Variants in LRRC4C observed in about 807,000 individuals in gnomAD.
LRRC4C encodes the protein leucine rich repeat containing 4C.
A neutral mutation model predicts 33.6 loss-of-function variants in LRRC4C; 5 were observed. That is an observed-to-expected ratio of 0.15 (90% CI 0.08 to 0.31). The LOEUF (loss-of-function observed/expected upper bound fraction) is 0.31, where lower values mean the gene tolerates loss of function less well. Ranked by LOEUF, LRRC4C falls within the 10% of genes least tolerant of loss-of-function variation. The pLI is 1.00. For synonymous variants in LRRC4C, 329 were observed against 302.0 expected (o/e 1.09, Z -0.93); for missense variants, 560 against 796.7 (o/e 0.70, Z 3.58).
chr11:40,318,306 G>A (rs1017000591), intron 4 of LRRC4C, among the ~76,000 whole-genome samples: 1 of 151,882 alleles, frequency 6.6e-6, no homozygotes, highest in Non-Finnish European at 1.5e-5. Context: ...TACTGCTCCA[G>A]TCTAGTCAAA....
At chr11:41,265,629 G>C (rs1423820016) in intron 1 of LRRC4C, among the ~76,000 whole-genome samples, 2 of 152,230 alleles carry the variant, frequency 1.3e-5, no homozygotes, top group Non-Finnish European at 2.9e-5. Flanking sequence ...GAAAAACCTA[G>C]TTGCCAGAGA....
rs867150244 is a variant in LRRC4C at position 41,070,952 on chromosome 11, C to G, written c.-495-137229G>C. 2.6e-5 allele frequency among the ~76,000 whole-genome samples: 4 copies of G among 152,088 alleles called. No individual in the cohort carries two copies. In the South Asian group the frequency reaches 8.3e-4, roughly 32 times the overall value. ...ATTATATTATAAAGATACATGCACA[C>G]GTATGCTTATTACAGCACTATTTAC... On this transcript the variant is annotated intron_variant, in intron 1 of 6. Transcript: ENST00000528697.
At chr11:41,185,142 C>T (rs183338904) in intron 1 of LRRC4C, among the ~76,000 whole-genome samples, 36 of 152,032 alleles carry the variant, frequency 2.4e-4, no homozygotes, top group African/African-American at 8.4e-4. Context: ...ACAGCCAAAC[C>T]ATATCAATTA....
chr11:41,436,827 A>T (rs1955444911), intron 1 of LRRC4C, among the ~76,000 whole-genome samples: 1 of 152,196 alleles, frequency 6.6e-6, no homozygotes, highest in South Asian at 2.1e-4. Flanking sequence ...AAGAGTCCCT[A>T]AAACTAGTAC....
At chr11:41,231,509 C>A (rs946349172) in intron 1 of LRRC4C, among the ~76,000 whole-genome samples, 2 of 149,412 alleles carry the variant, frequency 1.3e-5, no homozygotes, top group Non-Finnish European at 3.0e-5. Context: ...AGCAAACTAT[C>A]GCAAGGACAA....
At chr11:41,409,809 G>A (rs1002948861) in intron 1 of LRRC4C, among the ~76,000 whole-genome samples, 12 of 152,166 alleles carry the variant, frequency 7.9e-5, no homozygotes, top group East Asian at 3.9e-4. Flanking sequence ...TGACTGACCC[G>A]TTTATAATCC....
At chr11:40,525,175 C>T (rs1394108883) in intron 3 of LRRC4C, among the ~76,000 whole-genome samples, 2 of 151,962 alleles carry the variant, frequency 1.3e-5, no homozygotes, top group Non-Finnish European at 2.9e-5. Context: ...GGCCGGGCGC[C>T]GTGGCTCACA....
chr11:40,953,414 C>T (rs1958806426), intron 1 of LRRC4C, among the ~76,000 whole-genome samples: 1 of 151,746 alleles, frequency 6.6e-6, no homozygotes, highest in Non-Finnish European at 1.5e-5. Flanking sequence ...GAAAAGTCTC[C>T]CTGACCCTTC....
intron 1 of LRRC4C, among the ~76,000 whole-genome samples, chr11:41,053,891 T>C (rs1189277092): frequency 6.6e-6 from 1 of 152,352 alleles, no homozygotes; most frequent in East Asian, 1.9e-4. Flanking sequence ...GATTTTAGCA[T>C]GATAATTTTC....
At chr11:40,763,718 C>T (rs887632524) in intron 2 of LRRC4C, among the ~76,000 whole-genome samples, 1 of 152,060 alleles carries the variant, frequency 6.6e-6, no homozygotes. Flanking sequence ...CAGTGAAAAG[C>T]AAAATAGGAT....
At chr11:40,682,399 G>A (rs994773366) in intron 2 of LRRC4C, among the ~76,000 whole-genome samples, 1 of 152,120 alleles carries the variant, frequency 6.6e-6, no homozygotes, top group African/African-American at 2.4e-5. Flanking sequence ...AATTTGTCAA[G>A]TGTGGTTCTT....
Position 40,115,258 on chromosome 11 carries a change from G to A in LRRC4C, c.1035C>T (p.Asp345=). The change falls in exon 7 of 7, where the codon GAC becomes GAT. Residue 345 remains aspartate (D), a synonymous_variant. Coordinates refer to ENST00000528697, the MANE Select transcript of LRRC4C (RefSeq NM_001258419.2). The surrounding 1 kb of genome is among the most constrained non-coding windows in gnomAD (Gnocchi z 6.7). ...GAGCATAGCATGTGAAGTAATTCTGGTCGAGCTCTCCAATGTACCTCCCCT... is the reference window on the plus strand; with the variant it reads ...GAGCATAGCATGTGAAGTAATTCTGATCGAGCTCTCCAATGTACCTCCCCT... The part of the protein sequence containing the change: ...NLKGRYIGEL[D]QNYFTCYAPV... The A allele has an allele frequency of 2.5e-6, 4 of 1,614,106 alleles. No homozygotes were observed. The highest frequency in any genetic ancestry group is 2.5e-6 in the Non-Finnish European group (3 of 1,180,036).
At chr11:40,224,668 T>C (rs2135953921) in intron 5 of LRRC4C, among the ~76,000 whole-genome samples, 1 of 152,346 alleles carries the variant, frequency 6.6e-6, no homozygotes, top group South Asian at 2.1e-4. Flanking sequence ...TACAGATTTG[T>C]TGTTGAGGTT....
At position 40,348,134 on chromosome 11, in the gene LRRC4C, C is replaced by G. The variant is rs114127709; in HGVS notation, c.-269-28413G>C. Reference sequence around the variant, plus strand: ...CATCAAAGATCACAGAGCACCATAACAGATTTAATAATAATAATAGAGTTT... The same window carrying G: ...CATCAAAGATCACAGAGCACCATAAGAGATTTAATAATAATAATAGAGTTT... On this transcript the variant is annotated intron_variant, in intron 3 of 6. Coordinates refer to ENST00000528697, the MANE Select transcript of LRRC4C (RefSeq NM_001258419.2). Among the ~76,000 whole-genome samples the G allele has an allele frequency of 2.5e-3, 378 of 152,088 alleles. 1 individual carries two copies. Among genetic ancestry groups the G allele is most frequent in the Middle Eastern group, 0.01 (3 of 294 alleles).
At chr11:40,618,640 C>A (rs1214508497) in intron 3 of LRRC4C, among the ~76,000 whole-genome samples, 1 of 151,766 alleles carries the variant, frequency 6.6e-6, no homozygotes. Context: ...CTCTCTCAAT[C>A]CATTTTTGGA....
intron 2 of LRRC4C, among the ~76,000 whole-genome samples, chr11:40,790,505 G>A (rs1950581216): frequency 6.6e-6 from 1 of 152,138 alleles, no homozygotes; most frequent in Admixed American, 6.5e-5. Context: ...TCCGCACCAC[G>A]GTGGCATAAA....
chr11:40,348,045 G>A (rs900013144), intron 3 of LRRC4C, among the ~76,000 whole-genome samples: 11 of 152,150 alleles, frequency 7.2e-5, no homozygotes, highest in East Asian at 1.9e-4. Context: ...CACACGCAAC[G>A]TTTCTGGATT....
intron 3 of LRRC4C, among the ~76,000 whole-genome samples, chr11:40,393,627 A>G (rs1319904996): frequency 2.0e-5 from 3 of 152,206 alleles, no homozygotes; most frequent in Non-Finnish European, 4.4e-5. Flanking sequence ...ATTGACTCTG[A>G]ATCTCCAGCA....
At chr11:40,362,360 T>C (rs569366541) in intron 3 of LRRC4C, among the ~76,000 whole-genome samples, 1 of 152,214 alleles carries the variant, frequency 6.6e-6, no homozygotes, top group Non-Finnish European at 1.5e-5. Context: ...TTGCAAATTA[T>C]ACATCTGAGA....
Sources: allele counts gnomAD v4.1 joint callset (sites outside exome capture counted in the v4.1 genomes callset), GRCh38; gene constraint gnomAD v4.1.1; non-coding constraint Gnocchi (gnomAD v3.1); transcripts MANE v1.5; gene names NCBI Gene and HGNC (gene_info 2026-07-23, HGNC 2026-07-21).